PLPP4: variants seen among roughly 807,000 people sequenced by gnomAD.
The protein encoded by PLPP4 is phospholipid phosphatase 4.
Under a neutral mutation model 32.2 loss-of-function variants are expected in PLPP4, and 20 were observed. The observed-to-expected ratio is 0.62, with a 90% CI of 0.44 to 0.90. The LOEUF is 0.90. Ranked by LOEUF, PLPP4 falls within the 40% of genes least tolerant of loss-of-function variation. PLPP4 has a pLI of 0.00. For synonymous variants in PLPP4, 127 were observed against 133.0 expected (o/e 0.95, Z 0.31); for missense variants, 257 against 353.1 (o/e 0.73, Z 2.18).
intron 2 of PLPP4, among the ~76,000 whole-genome samples, chr10:120,510,943 C>T (rs1190845895): frequency 6.6e-6 from 1 of 152,156 alleles, no homozygotes; most frequent in East Asian, 1.9e-4. Flanking sequence ...ATCACACAGA[C>T]ACCTCTGCTG....
At chr10:120,551,785 G>C (rs1408542002) in intron 5 of PLPP4, among the ~76,000 whole-genome samples, 1 of 152,154 alleles carries the variant, frequency 6.6e-6, no homozygotes, top group South Asian at 2.1e-4. Flanking sequence ...GCTTACATGA[G>C]TGTCTATGTT....
intron 1 of PLPP4, among the ~76,000 whole-genome samples, chr10:120,489,776 C>T (rs770143819): frequency 3.9e-5 from 6 of 152,172 alleles, no homozygotes; most frequent in Admixed American, 2.6e-4. Context: ...GCAGCTCAAA[C>T]CAAATATGCA....
intron 3 of PLPP4, among the ~76,000 whole-genome samples, chr10:120,518,485 G>A (rs1846022228): frequency 6.6e-6 from 1 of 152,132 alleles, no homozygotes; most frequent in Non-Finnish European, 1.5e-5. Context: ...TATGTTTCTT[G>A]TTACCAGTAA....
intron 1 of PLPP4, among the ~76,000 whole-genome samples, chr10:120,472,735 G>A (rs1848574507): frequency 6.6e-6 from 1 of 151,856 alleles, no homozygotes; most frequent in Admixed American, 6.6e-5. Context: ...ATATTAGACA[G>A]TTTGATAATG....
At chr10:120,578,850 A>G (rs910041575) in intron 6 of PLPP4, among the ~76,000 whole-genome samples, 4 of 152,352 alleles carry the variant, frequency 2.6e-5, no homozygotes, top group South Asian at 2.1e-4. Flanking sequence ...TTGCAGGTCA[A>G]CTGGAAGCTG....
chr10:120,508,727 G>C (rs1845608409), intron 2 of PLPP4, among the ~76,000 whole-genome samples: 1 of 152,146 alleles, frequency 6.6e-6, no homozygotes. Flanking sequence ...TTAGGGTATG[G>C]TCAGGGTGCC....
At chr10:120,580,115 CAAAAAAAAAAAAAA>C in intron 6 of PLPP4, among the ~76,000 whole-genome samples, 1 of 91,566 alleles carries the variant, frequency 1.1e-5, no homozygotes, top group Admixed American at 1.1e-4. Context: ...GCGAGACTCT[CAAAAAAAAAAAAAA>C]AAAAAAAAAA....
chr10:120,585,471 C>T (rs568635159), intron 6 of PLPP4, among the ~76,000 whole-genome samples: 11 of 152,204 alleles, frequency 7.2e-5, no homozygotes, highest in Non-Finnish European at 1.3e-4. Flanking sequence ...AGAAAGCCTC[C>T]GGCAGCTCTG....
At chr10:120,547,060 T>C (rs989843170) in intron 5 of PLPP4, among the ~76,000 whole-genome samples, 4 of 152,180 alleles carry the variant, frequency 2.6e-5, no homozygotes, top group African/African-American at 9.7e-5. Context: ...AGCATGTTCT[T>C]TTTTAAAAAA....
intron 6 of PLPP4, among the ~76,000 whole-genome samples, chr10:120,580,411 G>A (rs1042453357): frequency 1.3e-5 from 2 of 152,124 alleles, no homozygotes; most frequent in African/African-American, 2.4e-5. Flanking sequence ...GAAATTAGAT[G>A]ATAATGAAGC....
At chr10:120,481,672 A>G (rs1844212743) in intron 1 of PLPP4, among the ~76,000 whole-genome samples, 1 of 152,170 alleles carries the variant, frequency 6.6e-6, no homozygotes, top group East Asian at 1.9e-4. Flanking sequence ...AACAAAGACC[A>G]TGATCAAAGT....
chr10:120,572,895 C>T (rs1042729037), intron 5 of PLPP4, among the ~76,000 whole-genome samples: 2 of 152,234 alleles, frequency 1.3e-5, no homozygotes, highest in African/African-American at 4.8e-5. Flanking sequence ...CCTCCCACCA[C>T]AGTATCTAGA....
Position 120,514,022 on chromosome 10 carries a change from G to A in PLPP4, c.256+21G>A, listed in dbSNP as rs778487168. The A allele has an allele frequency of 2.6e-6, 4 of 1,544,940 alleles. No individual in the cohort carries two copies. In the South Asian group the frequency reaches 4.5e-5, roughly 17 times the overall value. ...CTTAGGTAGAGTATTCACAGTTCCT[G>A]CTTTAGGGAATGGGGCTGACCTTAA... On this transcript the variant is annotated intron_variant, in intron 3 of 6. Coordinates refer to ENST00000398250, the MANE Select transcript of PLPP4 (RefSeq NM_001030059.3).
intron 6 of PLPP4, chr10:120,580,821 A>G: frequency 8.3e-7 from 1 of 1,200,920 alleles, no homozygotes. Flanking sequence ...AGCCCTGGGT[A>G]GAACAAAAAC....
chr10:120,521,183 G>A (rs2133909816), intron 5 of PLPP4, 88 bp downstream of exon 5: 1 of 1,497,144 alleles, frequency 6.7e-7, no homozygotes, highest in Non-Finnish European at 9.1e-7. Flanking sequence ...GAAAAGCACT[G>A]GTACAGGAAT....
intron 1 of PLPP4, among the ~76,000 whole-genome samples, chr10:120,482,722 G>A (rs1459388899): frequency 6.6e-6 from 1 of 151,672 alleles, no homozygotes; most frequent in Admixed American, 6.6e-5. Flanking sequence ...GGCGAACAGG[G>A]TGAAACCCTG....
intron 5 of PLPP4, 137 bp downstream of exon 5, chr10:120,521,232 G>T: frequency 9.2e-7 from 1 of 1,083,294 alleles, no homozygotes; most frequent in South Asian, 1.7e-5. Context: ...TACGGCGTTT[G>T]ACTTAGAAAC....
chr10:120,465,972 G>T (rs1848288274), intron 1 of PLPP4, among the ~76,000 whole-genome samples: 2 of 151,866 alleles, frequency 1.3e-5, no homozygotes, highest in African/African-American at 4.8e-5. Flanking sequence ...TATCATTTTT[G>T]GCTATTAAGT....
At chr10:120,556,292 G>A (rs755082010) in intron 5 of PLPP4, among the ~76,000 whole-genome samples, 12 of 152,130 alleles carry the variant, frequency 7.9e-5, no homozygotes, top group African/African-American at 1.2e-4. Context: ...TTCTAGTCCT[G>A]TATTTTTTGT....
Sources: allele counts gnomAD v4.1 joint callset (sites outside exome capture counted in the v4.1 genomes callset), GRCh38; gene constraint gnomAD v4.1.1; transcripts MANE v1.5; gene names NCBI Gene and HGNC (gene_info 2026-07-23, HGNC 2026-07-21).